The following PIGN variants were observed in gnomAD, a reference collection of about 807,000 sequenced individuals.
The protein encoded by PIGN is phosphatidylinositol glycan anchor biosynthesis class N.
A neutral mutation model predicts 125.4 loss-of-function variants in PIGN; 117 were observed. The observed-to-expected ratio is 0.93, with a 90% CI of 0.80 to 1.09. The LOEUF (loss-of-function observed/expected upper bound fraction) is 1.09, where lower values mean the gene tolerates loss of function less well. PIGN is among the 50% of genes least tolerant of loss of function. PIGN has a pLI of 0.00. For missense variants in PIGN, 1,075 were observed against 1,094.9 expected (o/e 0.98, Z 0.26); for synonymous variants, 392 against 377.8 (o/e 1.04, Z -0.44).
chr18:62,075,076 A>C (rs1377928097), intron 28 of PIGN: 1 of 303,316 alleles, frequency 3.3e-6, no homozygotes, highest in East Asian at 6.6e-5. Context: ...TATGATTTTC[A>C]AAACTAAACT....
chr18:62,147,630 A>C (rs1373813453), intron 8 of PIGN, among the ~76,000 whole-genome samples: 1 of 152,238 alleles, frequency 6.6e-6, no homozygotes, highest in African/African-American at 2.4e-5. Context: ...CTGGCAGCTA[A>C]CCCAATAGGC....
At chr18:62,018,359 G>C (rs181853612) in intron 23 of PIGN, among the ~76,000 whole-genome samples, 1 of 152,208 alleles carries the variant, frequency 6.6e-6, no homozygotes, top group Non-Finnish European at 1.5e-5. Context: ...TCAGTGGAAC[G>C]ATTCCGTTTG....
chr18:62,058,600 C>A (rs959569253), intron 30 of PIGN, among the ~76,000 whole-genome samples: 2 of 152,136 alleles, frequency 1.3e-5, no homozygotes, highest in African/African-American at 4.8e-5. Flanking sequence ...CTGTATATGT[C>A]TGCACATAAA....
chr18:62,069,486 C>T (rs1014042708), intron 30 of PIGN: 3 of 152,178 alleles, frequency 2.0e-5, no homozygotes, highest in Admixed American at 2.0e-4. Context: ...TGCATATATA[C>T]GTACAATGAA....
At chr18:62,100,161 G>C (rs374854072) in intron 22 of PIGN, among the ~76,000 whole-genome samples, 2 of 152,150 alleles carry the variant, frequency 1.3e-5, no homozygotes, top group Admixed American at 6.5e-5. Context: ...CAAATGATCT[G>C]AGTAGACATT....
intron 1 of PIGN, among the ~76,000 whole-genome samples, chr18:62,178,725 G>A (rs2147943966): frequency 6.6e-6 from 1 of 151,576 alleles, no homozygotes; most frequent in East Asian, 1.9e-4. Flanking sequence ...ATTATTCTGG[G>A]GTATATATTT....
intron 30 of PIGN, among the ~76,000 whole-genome samples, chr18:62,066,915 C>A (rs940691859): frequency 1.3e-5 from 2 of 152,112 alleles, no homozygotes; most frequent in African/African-American, 4.8e-5. Context: ...TGAGAGTATT[C>A]CCATGCAAAT....
intron 11 of PIGN, among the ~76,000 whole-genome samples, chr18:62,142,941 C>T (rs1234934481): frequency 6.6e-6 from 1 of 152,090 alleles, no homozygotes; most frequent in Non-Finnish European, 1.5e-5. Flanking sequence ...GAAAAGGTAA[C>T]TGACATACTA....
chr18:62,054,262 A>C (rs2031548064), intron 30 of PIGN, among the ~76,000 whole-genome samples: 1 of 152,118 alleles, frequency 6.6e-6, no homozygotes, highest in Non-Finnish European at 1.5e-5. Flanking sequence ...TAAAAACATA[A>C]ACATTTTAGA....
chr18:62,089,565 A>G (rs1395292712), intron 24 of PIGN, among the ~76,000 whole-genome samples: 1 of 152,194 alleles, frequency 6.6e-6, no homozygotes, highest in Non-Finnish European at 1.5e-5. Flanking sequence ...CTGACAAAAT[A>G]TTTAACATTA....
intron 1 of PIGN, among the ~76,000 whole-genome samples, chr18:62,168,183 T>C (rs892749046): frequency 1.3e-5 from 2 of 150,002 alleles, no homozygotes; most frequent in Non-Finnish European, 3.0e-5. Flanking sequence ...AAACTCTGTC[T>C]CAAAAAAAAA....
chr18:62,060,297 G>C (rs924071818), intron 30 of PIGN, among the ~76,000 whole-genome samples: 1 of 152,224 alleles, frequency 6.6e-6, no homozygotes, highest in Admixed American at 6.5e-5. Context: ...TTCTCAAGGT[G>C]TGCATGTGTG....
At chr18:62,135,683 G>A (rs2035904963) in intron 14 of PIGN, 2 of 133,160 alleles carry the variant, frequency 1.5e-5, no homozygotes, top group South Asian at 5.0e-4. Flanking sequence ...GAGTGCAGTG[G>A]TGGGATCTTG....
At chr18:62,062,509 C>A (rs537413618) in intron 30 of PIGN, among the ~76,000 whole-genome samples, 1 of 152,252 alleles carries the variant, frequency 6.6e-6, no homozygotes, top group South Asian at 2.1e-4. Context: ...CCTTTGTCTT[C>A]TTCTTATCCA....
intron 23 of PIGN, among the ~76,000 whole-genome samples, chr18:62,092,430 T>C (rs1370213197): frequency 1.3e-5 from 2 of 151,892 alleles, no homozygotes; most frequent in African/African-American, 4.8e-5. Flanking sequence ...ATATGAGAAG[T>C]GAACAAAGGA....
In PIGN at chr18:62,121,812, G is replaced by A. The variant is rs536881126; in HGVS notation, c.1173-7173C>T. Among the ~76,000 whole-genome samples the A allele has an allele frequency of 8.5e-5, 13 of 152,204 alleles. 1 individual carries two copies. In the South Asian group the frequency reaches 2.7e-3, roughly 32 times the overall value. ...TGATTCCATATTTTAGCTACTGTAA[G>A]TAGTACTGCAATAAACACGGGAGTG... On this transcript the variant is annotated intron_variant, in intron 14 of 30. Transcript: ENST00000640252.
chr18:62,037,379 G>A (rs1415536430), downstream of PIGN, among the ~76,000 whole-genome samples: 2 of 152,218 alleles, frequency 1.3e-5, no homozygotes, highest in Non-Finnish European at 2.9e-5. Context: ...ATCTACCTTG[G>A]TTGGTGTTGT....
At chr18:62,167,645 A>AC (rs2037196497) in intron 1 of PIGN, among the ~76,000 whole-genome samples, 3 of 27,088 alleles carry the variant, frequency 1.1e-4, no homozygotes, top group South Asian at 1.0e-3. Flanking sequence ...AAAAAAAAAC[A>AC]AAAAAAAAAC....
chr18:62,151,721 C>T (rs1048895510), intron 7 of PIGN, among the ~76,000 whole-genome samples: 5 of 152,212 alleles, frequency 3.3e-5, no homozygotes, highest in Admixed American at 1.3e-4. Context: ...TCCATTGCTG[C>T]CTTGGTCTCT....
Sources: allele counts gnomAD v4.1 joint callset (sites outside exome capture counted in the v4.1 genomes callset), GRCh38; gene constraint gnomAD v4.1.1; transcripts MANE v1.5; gene names NCBI Gene and HGNC (gene_info 2026-07-23, HGNC 2026-07-21).